The following SYNE3 variants were observed in gnomAD, a reference collection of about 807,000 sequenced individuals.
The protein encoded by SYNE3 is nesprin-3.
In SYNE3, 100 loss-of-function variants were observed where a neutral mutation model predicts 111.2. The ratio of observed to expected loss-of-function variants is 0.90; its 90% confidence interval spans 0.77 to 1.06. SYNE3 has a LOEUF of 1.06. Ranked by LOEUF, SYNE3 falls within the 50% of genes least tolerant of loss-of-function variation. The probability of loss-of-function intolerance (pLI) is 0.00; values close to 1 mark genes in which losing one functional copy is unlikely to be tolerated. For synonymous variants in SYNE3, 547 were observed against 533.9 expected (o/e 1.02, Z -0.34); for missense variants, 1,160 against 1,240.3 (o/e 0.94, Z 0.97).
intron 4 of SYNE3, among the ~76,000 whole-genome samples, chr14:95,459,360 A>G (rs1887650992): frequency 6.6e-6 from 1 of 152,158 alleles, no homozygotes; most frequent in Non-Finnish European, 1.5e-5. Context: ...CAGGAGTTCA[A>G]GACGAGCCTA....
chr14:95,507,717 G>A (rs752200454), intron 1 of SYNE3, among the ~76,000 whole-genome samples: 2 of 152,226 alleles, frequency 1.3e-5, no homozygotes, highest in Non-Finnish European at 2.9e-5. Flanking sequence ...AGGCCTGCTC[G>A]CTGCCTGGTG....
intron 17 of SYNE3, among the ~76,000 whole-genome samples, chr14:95,420,188 C>T (rs778994103): frequency 1.1e-4 from 9 of 81,390 alleles, no homozygotes; most frequent in Admixed American, 5.0e-4. Context: ...GCAGTGACTT[C>T]GGGAGTGGAG....
rs1387474671 is a variant in SYNE3, at chr14:95,439,679, G to A, written c.2179C>T (p.Gln727Ter). 1.2e-6 allele frequency: 2 copies of A among 1,614,052 alleles called. No homozygotes were observed. The highest frequency in any genetic ancestry group is 2.2e-5 in the South Asian group (2 of 91,076). ...TCTGCCAGCTCCCTGAGCTCCTCCT[G>A]CACCACGGCAGCACCCTCCGGAGAA... ...KSSPEGAAVVQEELRELAESW... is the reference protein window; with the variant it reads ...KSSPEGAAVV Residue 727 changes from glutamine (Q) to a stop codon, truncating the protein, a stop_gained, in exon 13 of 18, where the codon CAG (glutamine) becomes TAG (stop). Coordinates refer to ENST00000682763, the MANE Select transcript of SYNE3 (RefSeq NM_152592.6). LOFTEE classifies it high-confidence loss of function.
intron 5 of SYNE3, among the ~76,000 whole-genome samples, chr14:95,456,898 C>T (rs1385416942): frequency 1.3e-5 from 2 of 152,080 alleles, no homozygotes; most frequent in Non-Finnish European, 2.9e-5. Context: ...TCCTGGCTAA[C>T]ATGGTGAAAC....
intron 1 of SYNE3, among the ~76,000 whole-genome samples, chr14:95,484,344 G>A (rs1041263241): frequency 2.7e-4 from 41 of 152,208 alleles, no homozygotes; most frequent in Non-Finnish European, 3.1e-4. Flanking sequence ...CTTAGCTCTT[G>A]GGACCAGGTG....
At chr14:95,496,739 T>C (rs1304175235) in intron 1 of SYNE3, among the ~76,000 whole-genome samples, 1 of 152,250 alleles carries the variant, frequency 6.6e-6, no homozygotes, top group Non-Finnish European at 1.5e-5. Flanking sequence ...GGTCACAAAC[T>C]TTCTTGAACC....
intron 8 of SYNE3, among the ~76,000 whole-genome samples, chr14:95,447,073 G>A (rs1305788044): frequency 1.3e-5 from 2 of 151,854 alleles, no homozygotes; most frequent in African/African-American, 4.8e-5. Context: ...GGGGTTGGGA[G>A]AGAAAGAACA....
chr14:95,458,127 T>G (rs1002867639), intron 4 of SYNE3, among the ~76,000 whole-genome samples: 1 of 152,174 alleles, frequency 6.6e-6, no homozygotes, highest in Non-Finnish European at 1.5e-5. Context: ...CCCACTGTAC[T>G]CCCAGAGACT....
intron 8 of SYNE3, 180 bp downstream of exon 8, chr14:95,449,751 A>T: frequency 1.0e-6 from 1 of 960,620 alleles, no homozygotes; most frequent in African/African-American, 1.8e-5. Context: ...GACCTTTGTC[A>T]GTGTAACAAG....
chr14:95,476,652 C>G (rs902648793), intron 1 of SYNE3, among the ~76,000 whole-genome samples: 1 of 152,246 alleles, frequency 6.6e-6, no homozygotes, highest in Non-Finnish European at 1.5e-5. Flanking sequence ...CTTCTGTATT[C>G]CAGTTCTAGT....
intron 13 of SYNE3, 55 bp from the exon 14 acceptor site, chr14:95,439,217 G>A: frequency 6.2e-7 from 1 of 1,605,818 alleles, no homozygotes; most frequent in Non-Finnish European, 8.5e-7. Flanking sequence ...GACCCACCAG[G>A]ACATGGGAAA....
intron 7 of SYNE3, chr14:95,450,937 C>T (rs1480705047): frequency 2.6e-5 from 4 of 152,156 alleles, no homozygotes; most frequent in Admixed American, 6.5e-5. Flanking sequence ...GGCCCTCCCA[C>T]TGAGTACAAA....
Position 95,417,682 on chromosome 14 carries a change from G to T in SYNE3, c.*144C>A. ...CTGTATAAAAAGTAAGTGTCTTCTGGGAACGCTGACACAGCACTGATATGG... is the reference window on the plus strand; with the variant it reads ...CTGTATAAAAAGTAAGTGTCTTCTGTGAACGCTGACACAGCACTGATATGG... On this transcript the variant is annotated 3_prime_UTR_variant, in exon 18 of 18. Transcript: ENST00000682763. 1 of 827,262 alleles carries T rather than the reference G, an allele frequency of 1.2e-6. No homozygotes were observed. Among genetic ancestry groups the T allele is most frequent in the South Asian group, 1.5e-5 (1 of 66,396 alleles). The allele number at this position is 827,262 out of a possible 1,614,324, so 51.2% of individuals were successfully genotyped here.
intron 17 of SYNE3, among the ~76,000 whole-genome samples, chr14:95,424,346 G>A (rs1483354763): frequency 6.6e-6 from 1 of 151,524 alleles, no homozygotes; most frequent in Non-Finnish European, 1.5e-5. Context: ...GCCAGGGAGA[G>A]TTACCCATGA....
Position 95,445,971 on chromosome 14 carries a change from C to T in SYNE3, c.1570G>A (p.Gly524Ser), listed in dbSNP as rs1463492525. 2 of 1,614,036 alleles carry T rather than the reference C, an allele frequency of 1.2e-6. No individual in the cohort carries two copies. Among genetic ancestry groups the T allele is most frequent in the African/African-American group, 2.7e-5 (2 of 74,932 alleles). Residue 524 changes from glycine (G) to serine (S), a missense_variant, in exon 9 of 18, where the codon GGT becomes AGT. Physicochemically the swap from Gly to Ser is moderately conservative, Grantham distance 56. Coordinates refer to ENST00000682763, the MANE Select transcript of SYNE3 (RefSeq NM_152592.6). The part of the protein sequence containing the change: ...RATALLEQVA[G>S]SMRDRDLLHN... The stretch of plus-strand genomic sequence containing the variant: ...AGCAGGTCTCTGTCCCTCATGGAAC[C>T]TGCCACCTGCTCCAGGAGTGCCGTG...
chr14:95,462,696 C>A (rs1887908386), intron 4 of SYNE3, among the ~76,000 whole-genome samples: 1 of 152,238 alleles, frequency 6.6e-6, no homozygotes, highest in African/African-American at 2.4e-5. Context: ...CCCAGCCTGA[C>A]CACAGAAGCA....
rs1273517751 is a variant in SYNE3 at position 95,408,304 on chromosome 14, C to A, written c.*9522G>T. The A allele has an allele frequency of 6.6e-6, 1 of 152,008 alleles. No individual in the cohort carries two copies. The highest frequency in any genetic ancestry group is 1.9e-4 in the East Asian group (1 of 5,186). The allele number at this position is 152,008 out of a possible 1,614,324, so 9.4% of individuals were successfully genotyped here. A position where few individuals can be genotyped will look rare whatever the true frequency, so the allele number is the denominator to read the frequency against. ...CTCCAAAGCTGGTATTGGAAACTTG[C>A]CATTTTCCCAACACACACACACAGA... On this transcript the variant is annotated 3_prime_UTR_variant, in exon 18 of 18. Coordinates refer to ENST00000682763, the MANE Select transcript of SYNE3 (RefSeq NM_152592.6).
intron 1 of SYNE3, among the ~76,000 whole-genome samples, chr14:95,486,738 A>G (rs1889570429): frequency 6.6e-6 from 1 of 152,234 alleles, no homozygotes; most frequent in South Asian, 2.1e-4. Flanking sequence ...CTTCTACTAG[A>G]TGAACATGTC....
Position 95,410,690 on chromosome 14 carries a change from T to G in SYNE3, c.*7136A>C, listed in dbSNP as rs1033148881. ...CAGCAACCGCCTATATCTAGACTTC[T>G]CAGGAGGAGAGAAAAGTAAAGTCTC... On this transcript the variant is annotated 3_prime_UTR_variant, in exon 18 of 18. Transcript: ENST00000682763. 6.6e-6 allele frequency: 1 copy of G among 152,218 alleles called. No homozygotes were observed. The highest frequency in any genetic ancestry group is 2.4e-5 in the African/African-American group (1 of 41,448). The allele number at this position is 152,218 out of a possible 1,614,324, so 9.4% of individuals were successfully genotyped here. A position where few individuals can be genotyped will look rare whatever the true frequency, so the allele number is the denominator to read the frequency against.
Sources: gnomAD v4.1 joint callset for allele counts (sites outside exome capture counted in the v4.1 genomes callset) on GRCh38, gnomAD v4.1.1 for gene constraint, MANE v1.5 for transcripts, NCBI Gene and HGNC (gene_info 2026-07-23, HGNC 2026-07-21) for gene names.